KIAA0319: variants seen among roughly 807,000 people sequenced by gnomAD.
KIAA0319 encodes the protein dyslexia-associated protein KIAA0319.
In KIAA0319, 83 loss-of-function variants were observed where a neutral mutation model predicts 108.4. That is an observed-to-expected ratio of 0.77 (90% CI 0.64 to 0.92). The LOEUF (loss-of-function observed/expected upper bound fraction) is 0.92. KIAA0319 is among the 40% of genes least tolerant of loss of function. The probability of loss-of-function intolerance (pLI) is 0.00; values close to 1 mark genes in which losing one functional copy is unlikely to be tolerated. For synonymous variants in KIAA0319, 484 were observed against 510.4 expected (o/e 0.95, Z 0.70); for missense variants, 1,195 against 1,322.4 (o/e 0.90, Z 1.49).
rs535722179 is a variant in KIAA0319, at chr6:24,551,823, G to A, written c.2949-298C>T. Among the ~76,000 whole-genome samples the A allele has an allele frequency of 4.6e-5, 7 of 152,280 alleles. No individual in the cohort carries two copies. The East Asian group carries it at 1.3e-3, about 29-fold the overall frequency. Reference sequence around the variant, plus strand: ...CAACACTTGTGTGTTGGCCCAGGGAGCTCTTCTTCCTGAGTAATTCCTTAT... The same window carrying A: ...CAACACTTGTGTGTTGGCCCAGGGAACTCTTCTTCCTGAGTAATTCCTTAT... On this transcript the variant is annotated intron_variant, in intron 19 of 20. Transcript: ENST00000378214.
chr6:24,624,006 T>C (rs1011914276), intron 1 of KIAA0319, among the ~76,000 whole-genome samples: 3 of 135,534 alleles, frequency 2.2e-5, no homozygotes. Flanking sequence ...AATTTTGAAT[T>C]TCTTTGTTTT....
intron 20 of KIAA0319, among the ~76,000 whole-genome samples, chr6:24,547,887 G>C (rs192433008): frequency 9.8e-5 from 15 of 152,306 alleles, no homozygotes; most frequent in Admixed American, 4.6e-4. Context: ...CATAGACTTG[G>C]CTGGGCATGG....
chr6:24,635,594 G>T (rs1470179147), intron 1 of KIAA0319, among the ~76,000 whole-genome samples: 1 of 152,156 alleles, frequency 6.6e-6, no homozygotes, highest in Admixed American at 6.5e-5. Context: ...TTCCATTCCT[G>T]GCTTTGAAGA....
intron 14 of KIAA0319, among the ~76,000 whole-genome samples, chr6:24,565,392 G>A (rs1426331006): frequency 6.9e-6 from 1 of 144,984 alleles, no homozygotes; most frequent in East Asian, 1.9e-4. Flanking sequence ...CTAAGAGGCA[G>A]AGTGATCTAA....
intron 18 of KIAA0319, among the ~76,000 whole-genome samples, chr6:24,555,902 G>A (rs374133855): frequency 4.6e-5 from 7 of 152,196 alleles, no homozygotes; most frequent in South Asian, 2.1e-4. Flanking sequence ...AATGCAGCCC[G>A]TGGCCCAAGC....
chr6:24,597,621 C>A (rs886778494), intron 2 of KIAA0319, among the ~76,000 whole-genome samples: 1 of 152,196 alleles, frequency 6.6e-6, no homozygotes, highest in Non-Finnish European at 1.5e-5. Context: ...GAAAGCTCTT[C>A]TATCAAACTG....
At chr6:24,622,851 C>G (rs1022702153) in intron 1 of KIAA0319, among the ~76,000 whole-genome samples, 1 of 152,062 alleles carries the variant, frequency 6.6e-6, no homozygotes, top group Non-Finnish European at 1.5e-5. Flanking sequence ...CGAGACCAGC[C>G]TGGCCAACGA....
intron 12 of KIAA0319, 110 bp downstream of exon 12, chr6:24,569,793 C>T: frequency 7.5e-7 from 1 of 1,325,644 alleles, no homozygotes; most frequent in Non-Finnish European, 1.0e-6. Context: ...TGCTTAAATC[C>T]CGACTCCTCA....
At chr6:24,608,361 T>A (rs893778530) in intron 1 of KIAA0319, among the ~76,000 whole-genome samples, 3 of 152,076 alleles carry the variant, frequency 2.0e-5, no homozygotes, top group Non-Finnish European at 4.4e-5. Context: ...TTTCCTAAAT[T>A]AATTAAAATG....
chr6:24,606,004 G>A (rs767819553), intron 1 of KIAA0319, among the ~76,000 whole-genome samples: 7 of 151,560 alleles, frequency 4.6e-5, no homozygotes, highest in Admixed American at 1.3e-4. Context: ...GTGCAATCTC[G>A]GCTCACTGCA....
At chr6:24,635,987 C>T (rs545296399) in intron 1 of KIAA0319, among the ~76,000 whole-genome samples, 2 of 152,004 alleles carry the variant, frequency 1.3e-5, no homozygotes, top group Non-Finnish European at 2.9e-5. Context: ...TAATGAATCA[C>T]GTAAATAAGG....
chr6:24,585,414 A>G (rs114666044), intron 4 of KIAA0319, among the ~76,000 whole-genome samples: 5,078 of 151,906 alleles, frequency 0.033, 121 homozygotes, highest in African/African-American at 0.064. Context: ...TCTTTGCCCT[A>G]AAACAGTTTT....
chr6:24,631,439 C>T (rs1018563963), intron 1 of KIAA0319, among the ~76,000 whole-genome samples: 5 of 152,172 alleles, frequency 3.3e-5, no homozygotes, highest in South Asian at 2.1e-4. Context: ...AAGGAGTATA[C>T]GTTGGGAGAA....
rs571550982 is a variant in KIAA0319 at position 24,562,435 on chromosome 6, T to C, written c.2591+924A>G. ...CAGTTCTCTGGAAAACTAACCAAAG[T>C]GGAAGAGCTGACAATAGCTAGGCAA... On this transcript the variant is annotated intron_variant, in intron 16 of 20. Transcript: ENST00000378214. Among the ~76,000 whole-genome samples the C allele has an allele frequency of 3.3e-4, 51 of 152,330 alleles. 1 individual carries two copies. The South Asian group carries it at 9.1e-3, about 27-fold the overall frequency.
chr6:24,553,772 C>G (rs2127420966), intron 19 of KIAA0319, among the ~76,000 whole-genome samples: 1 of 152,238 alleles, frequency 6.6e-6, no homozygotes, highest in East Asian at 1.9e-4. Flanking sequence ...CATAAAAGAC[C>G]CAAGACGACA....
chr6:24,563,034 T>C (rs994113407), intron 16 of KIAA0319, among the ~76,000 whole-genome samples: 1 of 152,190 alleles, frequency 6.6e-6, no homozygotes, highest in African/African-American at 2.4e-5. Context: ...GCAGCCCAGC[T>C]GTGAGACATC....
intron 13 of KIAA0319, among the ~76,000 whole-genome samples, chr6:24,567,676 G>A (rs1203492386): frequency 3.3e-5 from 5 of 152,102 alleles, no homozygotes; most frequent in Admixed American, 6.6e-5. Context: ...ACTCCAGTCC[G>A]AGCAACAGAG....
At chr6:24,594,198 C>CAAAAAAA (rs761107947) in intron 3 of KIAA0319, among the ~76,000 whole-genome samples, 1 of 54,410 alleles carries the variant, frequency 1.8e-5, no homozygotes, top group Non-Finnish European at 3.1e-5. Flanking sequence ...GACTCTGTCT[C>CAAAAAAA]AAAAAAAAAA....
chr6:24,566,405 C>T (rs938768431), intron 14 of KIAA0319, among the ~76,000 whole-genome samples, 192 bp downstream of exon 14: 3 of 152,210 alleles, frequency 2.0e-5, no homozygotes, highest in Non-Finnish European at 4.4e-5. Flanking sequence ...TCACTGGAAA[C>T]TGAATTAGCC....
Sources: allele counts gnomAD v4.1 joint callset (sites outside exome capture counted in the v4.1 genomes callset), GRCh38; gene constraint gnomAD v4.1.1; transcripts MANE v1.5; gene names NCBI Gene and HGNC (gene_info 2026-07-23, HGNC 2026-07-21).